Variants in OTUD7A observed in about 807,000 individuals in gnomAD.
The protein encoded by OTUD7A is OTU deubiquitinase 7A, also known as OTU domain-containing protein 7A.
A neutral mutation model predicts 65.7 loss-of-function variants in OTUD7A; 12 were observed. That is an observed-to-expected ratio of 0.18 (90% CI 0.12 to 0.30). OTUD7A has a LOEUF of 0.30. Among genes scored for constraint, OTUD7A ranks in the 10% least tolerant of loss-of-function variants. OTUD7A has a pLI of 1.00. For synonymous variants in OTUD7A, 641 were observed against 586.3 expected (o/e 1.09, Z -1.35); for missense variants, 1,148 against 1,304.8 (o/e 0.88, Z 1.85).
intron 1 of OTUD7A, among the ~76,000 whole-genome samples, chr15:31,733,641 G>A (rs2141364140): frequency 6.6e-6 from 1 of 152,312 alleles, no homozygotes; most frequent in East Asian, 1.9e-4. Context: ...TCTCTTCAGT[G>A]TCTAGCATGG....
intron 1 of OTUD7A, among the ~76,000 whole-genome samples, chr15:31,704,815 T>A (rs1406391241): frequency 1.3e-5 from 2 of 152,226 alleles, no homozygotes; most frequent in Non-Finnish European, 1.5e-5. Flanking sequence ...AACATTGACA[T>A]GACTGCCATA....
chr15:31,634,451 CA>C (rs955215253), intron 3 of OTUD7A, among the ~76,000 whole-genome samples: 4 of 152,238 alleles, frequency 2.6e-5, no homozygotes, highest in African/African-American at 9.6e-5. Context: ...TGCCTTTACA[CA>C]GCATACATGT....
At position 31,481,626 on chromosome 15, in the gene OTUD7A, C is replaced by A. The variant is rs1026155430; in HGVS notation, c.*1668G>T. 1.3e-5 allele frequency: 2 copies of A among 152,098 alleles called. No homozygotes were observed. The highest frequency in any genetic ancestry group is 4.8e-5 in the African/African-American group (2 of 41,388). 9.4% of individuals were successfully genotyped at this position (152,098 alleles called of 1,614,324 possible). On this transcript the variant is annotated 3_prime_UTR_variant, in exon 13 of 13. Coordinates refer to ENST00000307050, the MANE Select transcript of OTUD7A (RefSeq NM_001382637.1). ...AGGAACCACTTATGCAAAACTTGAACAAATTACTGAAAACTCCACCTGCTG... is the reference window on the plus strand; with the variant it reads ...AGGAACCACTTATGCAAAACTTGAAAAAATTACTGAAAACTCCACCTGCTG...
At chr15:31,617,348 G>A (rs750236654) in intron 3 of OTUD7A, among the ~76,000 whole-genome samples, 59 of 152,234 alleles carry the variant, frequency 3.9e-4, no homozygotes, top group African/African-American at 1.3e-3. Flanking sequence ...TTAGCTGGCC[G>A]TGGTGGCAGG....
chr15:31,534,797 C>A (rs1284867048), intron 5 of OTUD7A, among the ~76,000 whole-genome samples: 2 of 152,144 alleles, frequency 1.3e-5, no homozygotes, highest in Non-Finnish European at 2.9e-5. Context: ...GACATACACC[C>A]AAATCTGTGT....
intron 5 of OTUD7A, among the ~76,000 whole-genome samples, chr15:31,536,637 C>T (rs1887811690): frequency 6.6e-6 from 1 of 152,108 alleles, no homozygotes; most frequent in Non-Finnish European, 1.5e-5. Context: ...CGTGTAAATA[C>T]ACAGGAGAAT....
At chr15:31,762,122 A>G (rs1334016705) in intron 1 of OTUD7A, among the ~76,000 whole-genome samples, 2 of 152,214 alleles carry the variant, frequency 1.3e-5, no homozygotes, top group Non-Finnish European at 2.9e-5. Context: ...CTGTACTTTT[A>G]GTGGGTGAAT....
chr15:31,664,230 T>G (rs2141288074), intron 1 of OTUD7A, among the ~76,000 whole-genome samples: 1 of 149,744 alleles, frequency 6.7e-6, no homozygotes, highest in African/African-American at 2.5e-5. Context: ...TACTTTTAGT[T>G]CTTTAAGGAG....
chr15:31,815,225 C>T (rs934247365), intron 1 of OTUD7A, among the ~76,000 whole-genome samples: 3 of 152,156 alleles, frequency 2.0e-5, no homozygotes, highest in African/African-American at 7.2e-5. Context: ...GTTTGTGCTG[C>T]TGTAGCCATA....
intron 1 of OTUD7A, among the ~76,000 whole-genome samples, chr15:31,757,911 G>C (rs561022387): frequency 6.6e-6 from 1 of 152,296 alleles, no homozygotes; most frequent in African/African-American, 2.4e-5. Context: ...ATGATCGTTA[G>C]AACAGATGTG....
intron 1 of OTUD7A, among the ~76,000 whole-genome samples, chr15:31,733,311 C>T (rs1048047071): frequency 1.2e-4 from 18 of 152,164 alleles, no homozygotes; most frequent in African/African-American, 3.6e-4. Flanking sequence ...TGGCTCTTTC[C>T]GACCCTCCAC....
chr15:31,797,064 T>C (rs1241282378), intron 1 of OTUD7A, among the ~76,000 whole-genome samples: 2 of 152,098 alleles, frequency 1.3e-5, no homozygotes, highest in Admixed American at 6.5e-5. Flanking sequence ...TGCACAAGCA[T>C]GGGGGTGCGG....
At chr15:31,631,171 T>G (rs894789186) in intron 3 of OTUD7A, among the ~76,000 whole-genome samples, 2 of 152,252 alleles carry the variant, frequency 1.3e-5, no homozygotes, top group Admixed American at 1.3e-4. Context: ...TGATGCAGTT[T>G]TCTTCCTAGC....
chr15:31,536,975 C>G (rs780379734), intron 5 of OTUD7A, among the ~76,000 whole-genome samples: 1 of 152,052 alleles, frequency 6.6e-6, no homozygotes, highest in Admixed American at 6.5e-5. Context: ...GTGATGAACA[C>G]TCTGACTCAA....
intron 8 of OTUD7A, among the ~76,000 whole-genome samples, chr15:31,507,200 T>A (rs1244174021): frequency 6.6e-6 from 1 of 152,210 alleles, no homozygotes; most frequent in Non-Finnish European, 1.5e-5. Context: ...TATTTAGGGT[T>A]TTTAAAAATT....
chr15:31,508,957 T>G (rs1414635960), intron 8 of OTUD7A, among the ~76,000 whole-genome samples: 1 of 152,248 alleles, frequency 6.6e-6, no homozygotes, highest in Admixed American at 6.5e-5. Flanking sequence ...GCCCTCGGGC[T>G]TTGAGAAAGT....
intron 3 of OTUD7A, among the ~76,000 whole-genome samples, chr15:31,592,480 C>T (rs1319558892): frequency 6.6e-6 from 1 of 152,070 alleles, no homozygotes; most frequent in Non-Finnish European, 1.5e-5. Flanking sequence ...ACTGGTAGGT[C>T]TTCAGGGGCA....
rs537342763 is a variant in OTUD7A, at chr15:31,843,539, T to C, written c.-100+26968A>G. ...ACAATTACAGCAGCCTTCTAGGCCC[T>C]GGCACAGAAGCAAGGCAATGTCCAC... On this transcript the variant is annotated intron_variant, in intron 1 of 12. Transcript: ENST00000307050. Among the ~76,000 whole-genome samples the C allele has an allele frequency of 2.6e-5, 4 of 152,326 alleles. No individual in the cohort carries two copies. In the East Asian group the frequency reaches 5.8e-4, roughly 22 times the overall value.
intron 3 of OTUD7A, among the ~76,000 whole-genome samples, chr15:31,571,223 T>C (rs190959038): frequency 6.6e-6 from 1 of 152,122 alleles, no homozygotes; most frequent in African/African-American, 2.4e-5. Flanking sequence ...AATTAAAAAA[T>C]TTTAAAAAGA....
Sources: gnomAD v4.1 joint callset for allele counts (sites outside exome capture counted in the v4.1 genomes callset) on GRCh38, gnomAD v4.1.1 for gene constraint, MANE v1.5 for transcripts, NCBI Gene and HGNC (gene_info 2026-07-23, HGNC 2026-07-21) for gene names.